The following NRXN3 variants were observed in gnomAD, a reference collection of about 807,000 sequenced individuals.
The protein encoded by NRXN3 is neurexin 3, also known as neurexin III.
In NRXN3, 32 loss-of-function variants were observed where a neutral mutation model predicts 137.6. That is an observed-to-expected ratio of 0.23 (90% CI 0.18 to 0.31). The LOEUF (loss-of-function observed/expected upper bound fraction) is 0.31. Ranked by LOEUF, NRXN3 falls within the 10% of genes least tolerant of loss-of-function variation. The pLI is 1.00. For missense variants in NRXN3, 1,574 were observed against 2,062.5 expected (o/e 0.76, Z 4.59); for synonymous variants, 798 against 784.5 (o/e 1.02, Z -0.29).
chr14:78,484,739 C>G (rs2095535523), intron 4 of NRXN3, among the ~76,000 whole-genome samples: 1 of 152,156 alleles, frequency 6.6e-6, no homozygotes, highest in Non-Finnish European at 1.5e-5. Flanking sequence ...GTGTGTACTT[C>G]CCTGTCCTCA....
chr14:79,815,894 C>T (rs1050921917), intron 20 of NRXN3, among the ~76,000 whole-genome samples: 18 of 151,940 alleles, frequency 1.2e-4, no homozygotes, highest in South Asian at 4.2e-4. Flanking sequence ...TAGGAAGTAC[C>T]GAGTTTTAAG....
At chr14:79,427,629 C>T (rs2095674917) in intron 15 of NRXN3, among the ~76,000 whole-genome samples, 1 of 151,964 alleles carries the variant, frequency 6.6e-6, no homozygotes, top group Non-Finnish European at 1.5e-5. Context: ...ACCAGGAGTT[C>T]GAGACCAGCC....
At chr14:78,490,304 G>A (rs999968720) in intron 4 of NRXN3, among the ~76,000 whole-genome samples, 6 of 152,100 alleles carry the variant, frequency 3.9e-5, no homozygotes, top group African/African-American at 7.2e-5. Flanking sequence ...TGGACATGAC[G>A]CTAGGCTTAA....
intron 16 of NRXN3, among the ~76,000 whole-genome samples, chr14:79,619,983 C>A (rs2098204632): frequency 6.6e-6 from 1 of 152,016 alleles, no homozygotes; most frequent in Admixed American, 6.6e-5. Flanking sequence ...TGGATGTAAA[C>A]CTCTGAAAAG....
intron 8 of NRXN3, among the ~76,000 whole-genome samples, chr14:78,787,667 G>A (rs1009876354): frequency 1.3e-5 from 2 of 152,156 alleles, no homozygotes; most frequent in African/African-American, 4.8e-5. Flanking sequence ...GCAGAGTGAG[G>A]CAGCAAGCTT....
chr14:79,635,194 G>A (rs1199123021), intron 16 of NRXN3, among the ~76,000 whole-genome samples: 1 of 152,162 alleles, frequency 6.6e-6, no homozygotes, highest in African/African-American at 2.4e-5. Context: ...CCATAAGTAT[G>A]CACAATGATT....
intron 1 of NRXN3, among the ~76,000 whole-genome samples, chr14:78,215,417 T>A (rs956128691): frequency 1.2e-4 from 19 of 152,048 alleles, no homozygotes; most frequent in Non-Finnish European, 1.6e-4. Flanking sequence ...TCAGTCTTCA[T>A]GAACAGGACG....
chr14:79,131,427 G>A (rs1386000677), intron 15 of NRXN3, among the ~76,000 whole-genome samples: 5 of 152,108 alleles, frequency 3.3e-5, no homozygotes, highest in Non-Finnish European at 7.4e-5. Flanking sequence ...GTCTGTTGGA[G>A]TACCCAGCCG....
chr14:78,655,751 T>A (rs2097779571), intron 6 of NRXN3, among the ~76,000 whole-genome samples: 1 of 152,116 alleles, frequency 6.6e-6, no homozygotes, highest in Admixed American at 6.5e-5. Context: ...ATGAGCAATG[T>A]GTAAGTCCAG....
intron 4 of NRXN3, among the ~76,000 whole-genome samples, chr14:78,360,695 C>G (rs2084986050): frequency 6.6e-6 from 1 of 152,156 alleles, no homozygotes; most frequent in Non-Finnish European, 1.5e-5. Flanking sequence ...GAAAAATTAG[C>G]TTTTAAATTG....
intron 15 of NRXN3, among the ~76,000 whole-genome samples, chr14:79,126,375 C>T (rs2056470279): frequency 7.8e-6 from 1 of 127,538 alleles, no homozygotes; most frequent in South Asian, 2.8e-4. Flanking sequence ...CTTCCTGTGT[C>T]CATGTGTTCT....
chr14:78,565,614 T>C (rs907314114), intron 4 of NRXN3, among the ~76,000 whole-genome samples: 3 of 152,260 alleles, frequency 2.0e-5, no homozygotes, highest in African/African-American at 7.2e-5. Flanking sequence ...ATAATGGCTG[T>C]CTACCTTATA....
At chr14:78,873,370 G>A (rs2099105918) in intron 10 of NRXN3, among the ~76,000 whole-genome samples, 1 of 152,108 alleles carries the variant, frequency 6.6e-6, no homozygotes, top group Non-Finnish European at 1.5e-5. Context: ...GAAAGCTTGT[G>A]TTTAGTCCAC....
intron 10 of NRXN3, among the ~76,000 whole-genome samples, chr14:78,881,796 T>A (rs1192363028): frequency 6.6e-6 from 1 of 151,680 alleles, no homozygotes; most frequent in Non-Finnish European, 1.5e-5. Context: ...GAAGAGAAAT[T>A]CAAGCCAGCT....
At chr14:78,762,364 G>C (rs982680911) in intron 8 of NRXN3, among the ~76,000 whole-genome samples, 1 of 152,200 alleles carries the variant, frequency 6.6e-6, no homozygotes, top group Non-Finnish European at 1.5e-5. Flanking sequence ...GACGGAGTTA[G>C]GTAAGGGAAC....
chr14:79,284,554 C>A (rs2081935709), intron 15 of NRXN3, among the ~76,000 whole-genome samples: 1 of 151,692 alleles, frequency 6.6e-6, no homozygotes, highest in African/African-American at 2.4e-5. Flanking sequence ...GGACATGGAA[C>A]TCTTGGAAAG....
chr14:78,436,697 G>A (rs1281185668), intron 4 of NRXN3, among the ~76,000 whole-genome samples: 1 of 152,136 alleles, frequency 6.6e-6, no homozygotes, highest in Non-Finnish European at 1.5e-5. Context: ...AGGCACATGC[G>A]GCTAGTGAGG....
chr14:79,525,033 GCAGTTTCTGCGTGGT>G (rs1405163211), intron 16 of NRXN3, among the ~76,000 whole-genome samples: 1 of 152,142 alleles, frequency 6.6e-6, no homozygotes, highest in Non-Finnish European at 1.5e-5. Flanking sequence ...AGGTAGTCAG[GCAGTTTCTGCGTGGT>G]CAGTTTTTAC....
chr14:78,236,914 G>A (rs2066395865), intron 1 of NRXN3, among the ~76,000 whole-genome samples: 1 of 152,120 alleles, frequency 6.6e-6, no homozygotes, highest in Admixed American at 6.5e-5. Flanking sequence ...CTCACTACAT[G>A]CAGTAGAGCC....
Sources: gnomAD v4.1 joint callset for allele counts (sites outside exome capture counted in the v4.1 genomes callset) on GRCh38, gnomAD v4.1.1 for gene constraint, MANE v1.5 for transcripts, NCBI Gene and HGNC (gene_info 2026-07-23, HGNC 2026-07-21) for gene names.